The following RGS6 variants were observed in gnomAD, a reference collection of about 807,000 sequenced individuals.
RGS6 encodes the protein regulator of G protein signaling 6.
A neutral mutation model predicts 78.5 loss-of-function variants in RGS6; 30 were observed. The ratio of observed to expected loss-of-function variants is 0.38; its 90% CI spans 0.29 to 0.52. The LOEUF is 0.52. Ranked by LOEUF, RGS6 falls within the 20% of genes least tolerant of loss-of-function variation. The pLI is 0.85. For missense variants in RGS6, 495 were observed against 609.7 expected (o/e 0.81, Z 1.98); for synonymous variants, 206 against 206.0 (o/e 1.00, Z 0.00).
the RGS6 span, among the ~76,000 whole-genome samples, chr14:72,587,402 C>G: frequency 2.0e-4 from 31 of 152,130 alleles, no homozygotes; most frequent in African/African-American, 6.7e-4. Flanking sequence ...TCTATCACCT[C>G]GCCCCTTGTT....
intron 13 of RGS6, 62 bp from the exon 14 acceptor site, chr14:72,510,092 A>AATATGACACG: frequency 6.6e-7 from 1 of 1,519,222 alleles, no homozygotes; most frequent in Non-Finnish European, 8.8e-7. Flanking sequence ...CACTGAAGAG[A>AATATGACACG]ATATGACACG....
intron 3 of RGS6, among the ~76,000 whole-genome samples, chr14:72,446,436 C>G (rs1292530416): frequency 2.0e-5 from 3 of 152,158 alleles, no homozygotes; most frequent in African/African-American, 7.2e-5. Context: ...AGCCAAAGGA[C>G]CTTGAGCCAG....
intron 2 of RGS6, among the ~76,000 whole-genome samples, chr14:72,087,017 TC>T (rs1383033575): frequency 2.6e-5 from 4 of 152,220 alleles, no homozygotes; most frequent in Non-Finnish European, 5.9e-5. Context: ...TACTATGTGT[TC>T]TTAGGACCAT....
At chr14:72,540,831 G>T in intron 17 of RGS6, 1 of 985,398 alleles carries the variant, frequency 1.0e-6, no homozygotes, top group Non-Finnish European at 1.2e-6. Flanking sequence ...GATTCCTACA[G>T]GTTCATGGTA....
intron 2 of RGS6, among the ~76,000 whole-genome samples, chr14:72,036,269 T>A (rs1276118446): frequency 6.6e-6 from 1 of 150,450 alleles, no homozygotes; most frequent in Non-Finnish European, 1.5e-5. Flanking sequence ...TAACCCGTTT[T>A]GTTTTGTTTT....
At chr14:72,435,303 T>C (rs530281581) in intron 3 of RGS6, among the ~76,000 whole-genome samples, 1 of 152,348 alleles carries the variant, frequency 6.6e-6, no homozygotes, top group East Asian at 1.9e-4. Flanking sequence ...CTAGTTCATG[T>C]AATAGCCCTG....
intron 8 of RGS6, among the ~76,000 whole-genome samples, chr14:72,470,550 G>T (rs1024542493): frequency 6.6e-6 from 1 of 152,122 alleles, no homozygotes; most frequent in Non-Finnish European, 1.5e-5. Flanking sequence ...TCAGACAGTT[G>T]GAGTCCAAAA....
At chr14:71,890,362 G>C in the RGS6 span, among the ~76,000 whole-genome samples, 223 of 84,594 alleles carry the variant, frequency 2.6e-3, no homozygotes, top group African/African-American at 0.023. Flanking sequence ...ATAAGACAGA[G>C]AGAGAGAGAG....
At chr14:72,346,441 G>A (rs1015124886) in intron 2 of RGS6, among the ~76,000 whole-genome samples, 2 of 152,156 alleles carry the variant, frequency 1.3e-5, no homozygotes, top group Admixed American at 6.5e-5. Flanking sequence ...GCCCAACACA[G>A]TTTCTGAAAA....
intron 2 of RGS6, among the ~76,000 whole-genome samples, chr14:72,170,324 A>G (rs1459162024): frequency 6.6e-6 from 1 of 152,230 alleles, no homozygotes; most frequent in East Asian, 1.9e-4. Flanking sequence ...TTAAGAAATC[A>G]CCAACATTAC....
At chr14:72,258,220 T>A (rs958609709) in intron 2 of RGS6, among the ~76,000 whole-genome samples, 7 of 152,228 alleles carry the variant, frequency 4.6e-5, no homozygotes, top group Non-Finnish European at 1.0e-4. Flanking sequence ...CAGGACATGC[T>A]ATGGTATACA....
the RGS6 span, chr14:72,612,334 G>A: frequency 6.9e-6 from 3 of 435,376 alleles, no homozygotes; most frequent in Non-Finnish European, 9.1e-6. Context: ...TACCTACCCC[G>A]CCTCTCTCCA....
At chr14:72,043,091 G>A (rs2092558473) in intron 2 of RGS6, among the ~76,000 whole-genome samples, 4 of 151,694 alleles carry the variant, frequency 2.6e-5, no homozygotes, top group Admixed American at 2.6e-4. Context: ...TTTCTTTATT[G>A]TGATATTGGA....
At chr14:72,267,771 C>T (rs1018161778) in intron 2 of RGS6, among the ~76,000 whole-genome samples, 1 of 152,218 alleles carries the variant, frequency 6.6e-6, no homozygotes, top group African/African-American at 2.4e-5. Flanking sequence ...TTAGAATATT[C>T]CTCAGAGCTG....
At chr14:72,122,138 G>A (rs2096067031) in intron 2 of RGS6, among the ~76,000 whole-genome samples, 1 of 152,114 alleles carries the variant, frequency 6.6e-6, no homozygotes, top group Non-Finnish European at 1.5e-5. Flanking sequence ...TCAAGGCTGG[G>A]ACCAATGCTT....
chr14:72,084,749 TC>T (rs951636997), intron 2 of RGS6, among the ~76,000 whole-genome samples: 2 of 152,050 alleles, frequency 1.3e-5, no homozygotes, highest in Non-Finnish European at 2.9e-5. Context: ...TTTTTTTTTT[TC>T]CTGCTGAAAC....
chr14:72,255,009 T>C (rs529098248), intron 2 of RGS6, among the ~76,000 whole-genome samples: 2 of 152,330 alleles, frequency 1.3e-5, no homozygotes, highest in South Asian at 2.1e-4. Context: ...ATGGATTTTA[T>C]GGTTTTGAGG....
chr14:72,507,871 A>G (rs1304596947), intron 13 of RGS6, among the ~76,000 whole-genome samples: 1 of 152,236 alleles, frequency 6.6e-6, no homozygotes, highest in African/African-American at 2.4e-5. Context: ...ATCCTTGGTC[A>G]TAGCATGACC....
chr14:71,879,958 C>T, the RGS6 span, among the ~76,000 whole-genome samples: 2 of 152,140 alleles, frequency 1.3e-5, no homozygotes, highest in Admixed American at 6.5e-5. Context: ...AACTTCCTAG[C>T]GACTTGTTGA....
Sources: gnomAD v4.1 joint callset for allele counts (sites outside exome capture counted in the v4.1 genomes callset) on GRCh38, gnomAD v4.1.1 for gene constraint, MANE v1.5 for transcripts, NCBI Gene and HGNC (gene_info 2026-07-23, HGNC 2026-07-21) for gene names.